TRPA1: variants seen among roughly 807,000 people sequenced by gnomAD.
The protein encoded by TRPA1 is ankyrin-like with transmembrane domains 1.
TRPA1 carries 129 observed loss-of-function variants against 131.3 expected under a neutral mutation model. The observed-to-expected ratio is 0.98, with a 90% confidence interval of 0.85 to 1.14. TRPA1 has a LOEUF of 1.14. TRPA1 is among the 50% of genes most tolerant of loss of function. The pLI is 0.00. For missense variants in TRPA1, 1,304 were observed against 1,354.2 expected, an observed-to-expected ratio of 0.96 and a Z score of 0.58; for synonymous variants, 441 against 451.7, an observed-to-expected ratio of 0.98 and a Z score of 0.30.
chr8:72,077,431 C>A (rs1806210900), upstream of TRPA1, among the ~76,000 whole-genome samples: 1 of 152,176 alleles, frequency 6.6e-6, no homozygotes, highest in African/African-American at 2.4e-5. Flanking sequence ...CTTCTCTACC[C>A]CACTGACATT....
upstream of TRPA1, among the ~76,000 whole-genome samples, chr8:72,077,719 A>G (rs1166526938): frequency 6.6e-6 from 1 of 152,192 alleles, no homozygotes; most frequent in Non-Finnish European, 1.5e-5. Flanking sequence ...TTTCATAGGC[A>G]GGCAGGGCAA....
At chr8:72,025,204 C>T (rs981126812) in intron 25 of TRPA1, among the ~76,000 whole-genome samples, 6 of 151,916 alleles carry the variant, frequency 3.9e-5, no homozygotes, top group Non-Finnish European at 7.4e-5. Flanking sequence ...ATAATCCCCA[C>T]GTGTCAAGGG....
intron 26 of TRPA1, chr8:72,023,426 G>A: frequency 2.1e-6 from 1 of 470,648 alleles, no homozygotes; most frequent in South Asian, 2.2e-5. Context: ...ATAGGGGTTT[G>A]AACTCAGGTA....
Position 72,022,959 on chromosome 8 carries a change from A to T in TRPA1, c.3307T>A (p.Trp1103Arg). Reference sequence around the variant, plus strand: ...TTGACTGCTCTCAACACAGTATTCCATCTGCTATTCCTTTGTTCCATCTGC... The same window carrying T: ...TTGACTGCTCTCAACACAGTATTCCTTCTGCTATTCCTTTGTTCCATCTGC... ...KEQMEQRNSRWNTVLRAVKAK... is the reference protein window; with the variant it reads ...KEQMEQRNSRRNTVLRAVKAK... The change falls in exon 27 of 27, where the codon TGG (tryptophan) becomes AGG (arginine). Residue 1103 changes from tryptophan (W) to arginine (R), a missense_variant. Coordinates refer to ENST00000262209, the MANE Select transcript of TRPA1 (RefSeq NM_007332.3). 1.2e-6 allele frequency: 2 copies of T among 1,613,878 alleles called. No homozygotes were observed. Among genetic ancestry groups the T allele is most frequent in the Non-Finnish European group, 8.5e-7 (1 of 1,179,860 alleles).
chr8:72,029,406 A>G (rs1418703235), intron 24 of TRPA1, among the ~76,000 whole-genome samples: 2 of 152,192 alleles, frequency 1.3e-5, no homozygotes, highest in Non-Finnish European at 2.9e-5. Context: ...ATCAACTTTG[A>G]TTAGAGCAGG....
chr8:72,036,005 C>CAAAAAAAAAAAA (rs58197251), intron 21 of TRPA1, among the ~76,000 whole-genome samples: 5 of 44,940 alleles, frequency 1.1e-4, no homozygotes, highest in Non-Finnish European at 1.6e-4. Flanking sequence ...TCCCCCTCCA[C>CAAAAAAAAAAAA]AAAAAAAAAA....
rs1036828976 is a variant in TRPA1 at position 72,055,949 on chromosome 8, G to T, written c.1195-94C>A. The stretch of plus-strand genomic sequence containing the variant: ...TCTGTAGGAAAATATTTTCCAACAA[G>T]GGTCAATATGTATTCCTTGGGGCCA... On this transcript the variant is annotated intron_variant, in intron 10 of 26. Transcript: ENST00000262209. 2.2e-5 allele frequency: 28 copies of T among 1,250,662 alleles called. No homozygotes were observed. The African/African-American group carries it at 4.0e-4, about 18-fold the overall frequency. 77.5% of individuals were successfully genotyped at this position (1,250,662 alleles called of 1,614,324 possible). A position where few individuals can be genotyped will look rare whatever the true frequency, so the allele number is the denominator to read the frequency against.
intron 15 of TRPA1, among the ~76,000 whole-genome samples, chr8:72,048,257 C>T (rs1000371856): frequency 6.6e-6 from 1 of 152,058 alleles, no homozygotes; most frequent in Non-Finnish European, 1.5e-5. Context: ...TATCACCTAG[C>T]CAGGCTGCCC....
Position 72,055,787 on chromosome 8 carries a change from A to G in TRPA1, c.1263T>C (p.Cys421=), listed in dbSNP as rs1805651961. 3.7e-6 allele frequency: 6 copies of G among 1,612,918 alleles called. No homozygotes were observed. The highest frequency in any genetic ancestry group is 5.1e-6 in the Non-Finnish European group (6 of 1,179,234). ...TTACAGAACCAGGGCCCCCCTGTCT[A>G]CATGCATAATGTAGAGGAGTACACC... The part of the protein sequence containing the change: ...NDGCTPLHYA[C]RQGGPGSVNN... Residue 421 remains cysteine (C), a synonymous_variant, in exon 11 of 27, where the codon TGT becomes TGC. Coordinates refer to ENST00000262209, the MANE Select transcript of TRPA1 (RefSeq NM_007332.3).
chr8:72,025,130 G>T (rs1475454630), intron 25 of TRPA1, among the ~76,000 whole-genome samples: 10 of 112,642 alleles, frequency 8.9e-5, no homozygotes, highest in African/African-American at 2.4e-4. Context: ...GTGTGTGTGT[G>T]TGTGTGCGTG....
rs1189175594 is a variant in TRPA1 at position 72,055,686 on chromosome 8, C to T, written c.1364G>A (p.Ser455Asn). 1.2e-6 allele frequency: 2 copies of T among 1,613,596 alleles called. No individual in the cohort carries two copies. Among genetic ancestry groups the T allele is most frequent in the East Asian group, 2.2e-5 (1 of 44,872 alleles). ...DKKSPLHFAA[S>N]YGRINTCQRL... ...CATACATTGCTAGACTGACCCTTAC[C>T]TGGCTGCAAAATGCAGAGGTGATTT... Residue 455 changes from serine to asparagine, a missense_variant and splice_region_variant, in exon 11 of 27, where the codon AGT becomes AAT. Transcript: ENST00000262209.
chr8:72,042,217 T>C (rs778968699), intron 17 of TRPA1, among the ~76,000 whole-genome samples: 5 of 151,840 alleles, frequency 3.3e-5, no homozygotes, highest in Non-Finnish European at 5.9e-5. Context: ...AATAACCCAA[T>C]TGACAAATGG....
chr8:72,068,575 T>G (rs985011603), intron 3 of TRPA1, among the ~76,000 whole-genome samples: 2 of 152,240 alleles, frequency 1.3e-5, no homozygotes, highest in Non-Finnish European at 2.9e-5. Context: ...TTCCTCCTTT[T>G]AGTCATTAAA....
upstream of TRPA1, among the ~76,000 whole-genome samples, chr8:72,078,562 C>A (rs188738614): frequency 1.3e-5 from 2 of 152,156 alleles, no homozygotes; most frequent in Non-Finnish European, 2.9e-5. Context: ...TTGAGATTAA[C>A]CCACATTGTA....
At chr8:72,047,944 T>C (rs1447203956) in intron 15 of TRPA1, among the ~76,000 whole-genome samples, 2 of 152,052 alleles carry the variant, frequency 1.3e-5, no homozygotes, top group Admixed American at 1.3e-4. Context: ...AGTCTTTCTA[T>C]GGTTTAGTTC....
rs1805861429 is a variant in TRPA1, at chr8:72,063,579, A to G, written c.553-8T>C. On this transcript the variant is annotated splice_polypyrimidine_tract_variant and splice_region_variant and intron_variant, in intron 4 of 26. Transcript: ENST00000262209. ...CTTAGCTCCTTTTTTAAGCTGGAAG[A>G]AAAGACAAAATGAAAAATGACACCA... 6.2e-7 allele frequency: 1 copy of G among 1,600,488 alleles called. No homozygotes were observed. Among genetic ancestry groups the G allele is most frequent in the African/African-American group, 1.3e-5 (1 of 74,492 alleles).
intron 23 of TRPA1, among the ~76,000 whole-genome samples, 187 bp from the exon 24 acceptor site, chr8:72,030,156 C>A (rs1811757223): frequency 6.6e-6 from 1 of 152,154 alleles, no homozygotes; most frequent in African/African-American, 2.4e-5. Context: ...TCGGGCAGAA[C>A]TGGTTTCTGG....
In TRPA1 at chr8:72,046,528, C is replaced by A. The variant is rs145960717; in HGVS notation, c.2046G>T (p.Pro682=). The A allele has an allele frequency of 6.3e-7, 1 of 1,584,298 alleles. No homozygotes were observed. Residue 682 remains proline (P), a synonymous_variant, in exon 17 of 27, where the codon CCG becomes CCT. Transcript: ENST00000262209. The part of the protein sequence containing the change: ...KTPTQDVIYE[P]LTALNAMVQN... ...TTGAACTTACGTTGAGGGCTGTAAG[C>A]GGTTCATATATAACATCCTGTGTAG...
At chr8:72,035,370 C>T (rs557360486) in intron 21 of TRPA1, among the ~76,000 whole-genome samples, 13 of 152,196 alleles carry the variant, frequency 8.5e-5, no homozygotes, top group Non-Finnish European at 1.5e-4. Flanking sequence ...CTCCAAGGGG[C>T]GGCACTCAAC....
Sources: allele counts gnomAD v4.1 joint callset (sites outside exome capture counted in the v4.1 genomes callset), GRCh38; gene constraint gnomAD v4.1.1; transcripts MANE v1.5; gene names NCBI Gene and HGNC (gene_info 2026-07-23, HGNC 2026-07-21).